SV2B: variants seen among roughly 807,000 people sequenced by gnomAD.
The protein encoded by SV2B is synaptic vesicle glycoprotein 2B, also known as solute carrier family 22 member B2.
Under a neutral mutation model 73.9 loss-of-function variants are expected in SV2B, and 41 were observed. The observed-to-expected ratio is 0.56, with a 90% CI of 0.43 to 0.72. The LOEUF (loss-of-function observed/expected upper bound fraction) is 0.72. Among genes scored for constraint, SV2B ranks in the 30% least tolerant of loss-of-function variants. The pLI is 0.00. For missense variants in SV2B, 764 were observed against 857.8 expected (o/e 0.89, Z 1.37); for synonymous variants, 314 against 314.2 (o/e 1.00, Z 0.01).
At position 91,267,773 on chromosome 15, in the gene SV2B, A is replaced by G. The variant is rs1251568608; in HGVS notation, c.1208+130A>G. 1 of 762,210 alleles carries G rather than the reference A, an allele frequency of 1.3e-6. No homozygotes were observed. The highest frequency in any genetic ancestry group is 1.8e-5 in the African/African-American group (1 of 56,740). 47.2% of individuals were successfully genotyped at this position (762,210 alleles called of 1,614,324 possible). On this transcript the variant is annotated intron_variant, in intron 8 of 12. Coordinates refer to ENST00000394232, the MANE Select transcript of SV2B (RefSeq NM_001323032.3). The surrounding 1 kb of genome is among the most constrained non-coding windows in gnomAD (Gnocchi z 4.3). ...GATGCTTTGGTGGCAAGTAGCAGAAAACCAACTCTAGTGGCTTCTACAAAG... is the reference window on the plus strand; with the variant it reads ...GATGCTTTGGTGGCAAGTAGCAGAAGACCAACTCTAGTGGCTTCTACAAAG...
chr15:91,151,726 T>C (rs1387868336), intron 1 of SV2B, among the ~76,000 whole-genome samples: 2 of 152,238 alleles, frequency 1.3e-5, no homozygotes, highest in African/African-American at 4.8e-5. Context: ...TGTGAGTGTT[T>C]TCGTCAGAAA....
At chr15:91,190,750 C>T (rs1365832669) in intron 1 of SV2B, among the ~76,000 whole-genome samples, 2 of 152,272 alleles carry the variant, frequency 1.3e-5, no homozygotes, top group East Asian at 3.9e-4. Flanking sequence ...CACCTATGCA[C>T]ACAAACTTTT....
intron 1 of SV2B, among the ~76,000 whole-genome samples, chr15:91,104,958 G>T (rs920196004): frequency 6.6e-6 from 1 of 152,154 alleles, no homozygotes; most frequent in African/African-American, 2.4e-5. Flanking sequence ...AAGTGCTGTT[G>T]GCTAGGTTTC....
In SV2B at chr15:91,176,294, T is replaced by C. The variant is rs537979307; in HGVS notation, c.-391-49579T>C. On this transcript the variant is annotated intron_variant, in intron 1 of 12. Coordinates refer to ENST00000394232, the MANE Select transcript of SV2B (RefSeq NM_001323032.3). Reference sequence around the variant, plus strand: ...TTTTCTTAATACAGTCTATCATTGTTGGACATTTGGGTTGGTTCCAAGTCT... The same window carrying C: ...TTTTCTTAATACAGTCTATCATTGTCGGACATTTGGGTTGGTTCCAAGTCT... Among the ~76,000 whole-genome samples the C allele has an allele frequency of 3.5e-3, 539 of 152,284 alleles. 7 individuals carry two copies. Among genetic ancestry groups the C allele is most frequent in the African/African-American group, 0.012 (518 of 41,542 alleles).
At chr15:91,263,290 AGACACACAGACACAGGAACACACG>A (rs2047983797) in intron 6 of SV2B, among the ~76,000 whole-genome samples, 1 of 152,106 alleles carries the variant, frequency 6.6e-6, no homozygotes, top group South Asian at 2.1e-4. Flanking sequence ...ACATGAACAC[AGACACACAGACACAGGAACACACG>A]GACACACAGA....
At chr15:91,166,822 T>TC in intron 1 of SV2B, among the ~76,000 whole-genome samples, 1 of 151,124 alleles carries the variant, frequency 6.6e-6, no homozygotes. Flanking sequence ...TCTTTTCTTT[T>TC]TTTTTTTTTG....
intron 1 of SV2B, among the ~76,000 whole-genome samples, chr15:91,167,909 C>T (rs1471625678): frequency 6.6e-6 from 1 of 152,164 alleles, no homozygotes; most frequent in Non-Finnish European, 1.5e-5. Context: ...GTTCAGATGA[C>T]AAGGGCTGAC....
intron 1 of SV2B, among the ~76,000 whole-genome samples, chr15:91,217,170 C>A (rs1351705211): frequency 6.6e-6 from 1 of 152,192 alleles, no homozygotes; most frequent in Non-Finnish European, 1.5e-5. Context: ...AGCCACCGCG[C>A]CTGGCCCTGA....
chr15:91,208,944 G>A (rs142774380), intron 1 of SV2B, among the ~76,000 whole-genome samples: 8 of 152,116 alleles, frequency 5.3e-5, no homozygotes, highest in Non-Finnish European at 1.0e-4. Flanking sequence ...GTGCAGGAAT[G>A]CAATCTTCTT....
intron 1 of SV2B, among the ~76,000 whole-genome samples, chr15:91,225,090 T>C (rs959945977): frequency 6.6e-6 from 1 of 152,254 alleles, no homozygotes; most frequent in Non-Finnish European, 1.5e-5. Flanking sequence ...GTACTATTGT[T>C]ATCCCATTTT....
rs1220620552 is a variant in SV2B, at chr15:91,288,059, G to A, written c.1709-1462G>A. On this transcript the variant is annotated intron_variant, in intron 11 of 12. Transcript: ENST00000394232. The surrounding 1 kb of genome is among the most constrained non-coding windows in gnomAD (Gnocchi z 5.8). ...TCCCAACTGATAAGAAAGTCCATGG[G>A]GTTAGCGTGTAGAGGGTATGTACAG... is the stretch of plus-strand genomic sequence containing the variant. 2.6e-5 allele frequency among the ~76,000 whole-genome samples: 4 copies of A among 152,128 alleles called. No homozygotes were observed. Among genetic ancestry groups the A allele is most frequent in the Non-Finnish European group, 4.4e-5 (3 of 68,034 alleles).
intron 2 of SV2B, 54 bp from the exon 3 acceptor site, chr15:91,251,765 T>C: frequency 6.5e-7 from 1 of 1,546,632 alleles, no homozygotes; most frequent in African/African-American, 1.4e-5. Context: ...CATTGTATAG[T>C]CTTAATCTTT....
chr15:91,160,146 A>G (rs1027291277), intron 1 of SV2B, among the ~76,000 whole-genome samples: 7 of 152,104 alleles, frequency 4.6e-5, no homozygotes, highest in Admixed American at 4.6e-4. Context: ...TCCAAAACCA[A>G]CCAAAATATT....
chr15:91,221,693 G>GCGCGCGCGCGCGCACA lies in SV2B; in HGVS notation c.-391-4179_-391-4178insGCGCGCGCGCGCACAC, dbSNP rs370290337. Among the ~76,000 whole-genome samples, 191 of 140,148 alleles carry GCGCGCGCGCGCGCACA rather than the reference G, an allele frequency of 1.4e-3. 2 individuals carry two copies. Among genetic ancestry groups the GCGCGCGCGCGCGCACA allele is most frequent in the African/African-American group, 5.0e-3 (180 of 35,806 alleles). 91.9% of individuals were successfully genotyped at this position (140,148 alleles called of 152,430 possible). A position where few individuals can be genotyped will look rare whatever the true frequency, so the allele number is the denominator to read the frequency against. ...CTGTGGACTATTACCAAGCATGTGC[G>GCGCGCGCGCGCGCACA]CACACACACACACACACACACACAC... On this transcript the variant is annotated intron_variant, in intron 1 of 12. Transcript: ENST00000394232.
rs566432399 is a variant in SV2B, at chr15:91,301,414, C to G, written c.*8862C>G. The G allele has an allele frequency of 6.6e-6, 1 of 152,122 alleles. No individual in the cohort carries two copies. Among genetic ancestry groups the G allele is most frequent in the Non-Finnish European group, 1.5e-5 (1 of 68,022 alleles). 9.4% of individuals were successfully genotyped at this position (152,122 alleles called of 1,614,324 possible). A position where few individuals can be genotyped will look rare whatever the true frequency, so the allele number is the denominator to read the frequency against. On this transcript the variant is annotated 3_prime_UTR_variant, in exon 13 of 13. Coordinates refer to ENST00000394232, the MANE Select transcript of SV2B (RefSeq NM_001323032.3). The surrounding 1 kb of genome is among the most constrained non-coding windows in gnomAD (Gnocchi z 4.3). ...AGTGGAATTGCTCTGATTACCGATG[C>G]CTTTTTTGTTCTTTGGTATATTAAA...
chr15:91,159,852 T>G (rs144624851), intron 1 of SV2B, among the ~76,000 whole-genome samples: 5 of 152,256 alleles, frequency 3.3e-5, no homozygotes, highest in African/African-American at 1.2e-4. Flanking sequence ...AATCTAAGTG[T>G]CTAAGTGAAA....
intron 1 of SV2B, among the ~76,000 whole-genome samples, chr15:91,180,210 T>C (rs1298152308): frequency 6.6e-6 from 1 of 152,232 alleles, no homozygotes; most frequent in African/African-American, 2.4e-5. Flanking sequence ...TTAAGAATGT[T>C]GAATATTGGC....
At chr15:91,198,863 A>C (rs1373758505) in intron 1 of SV2B, among the ~76,000 whole-genome samples, 3 of 152,226 alleles carry the variant, frequency 2.0e-5, no homozygotes, top group Admixed American at 2.0e-4. Flanking sequence ...CGTAAACAAC[A>C]GCAACTCTGG....
rs556523088 is a variant in SV2B, at chr15:91,206,172, G to T, written c.-391-19701G>T. Among the ~76,000 whole-genome samples the T allele has an allele frequency of 1.5e-3, 229 of 151,090 alleles. 4 individuals are homozygous for T. The highest frequency in any genetic ancestry group is 7.1e-3 in the Admixed American group (108 of 15,170). On this transcript the variant is annotated intron_variant, in intron 1 of 12. Coordinates refer to ENST00000394232, the MANE Select transcript of SV2B (RefSeq NM_001323032.3). ...CCTGCCTCACCCTTCTGAGTAGCTG[G>T]GACTACAGGCACATGCCACCATGCC...
Sources: gnomAD v4.1 joint callset for allele counts (sites outside exome capture counted in the v4.1 genomes callset) on GRCh38, gnomAD v4.1.1 for gene constraint, Gnocchi (gnomAD v3.1) non-coding constraint, MANE v1.5 for transcripts, NCBI Gene and HGNC (gene_info 2026-07-23, HGNC 2026-07-21) for gene names.